Variants in CDH10 observed in about 807,000 individuals in gnomAD.
CDH10 encodes the protein cadherin 10.
A neutral mutation model predicts 73.1 loss-of-function variants in CDH10; 30 were observed. The observed-to-expected ratio is 0.41, with a 90% CI of 0.31 to 0.56. The LOEUF (loss-of-function observed/expected upper bound fraction) is 0.56. Among genes scored for constraint, CDH10 ranks in the 20% least tolerant of loss-of-function variants. The probability of loss-of-function intolerance (pLI) is 0.27; values close to 1 mark genes in which losing one functional copy is unlikely to be tolerated. For missense variants in CDH10, 815 were observed against 973.7 expected, an observed-to-expected ratio of 0.84 and a Z score of 2.17; for synonymous variants, 345 against 348.2, an observed-to-expected ratio of 0.99 and a Z score of 0.10.
intron 1 of CDH10, among the ~76,000 whole-genome samples, chr5:24,622,063 C>T (rs1299342648): frequency 6.6e-6 from 1 of 152,154 alleles, no homozygotes; most frequent in Non-Finnish European, 1.5e-5. Context: ...CCAAGAGAGA[C>T]ATTTGCACAG....
At chr5:24,538,146 G>A (rs1289307166) in intron 2 of CDH10, among the ~76,000 whole-genome samples, 2 of 152,118 alleles carry the variant, frequency 1.3e-5, no homozygotes, top group East Asian at 3.9e-4. Context: ...TGTAAGACAA[G>A]CAAAGCTGTA....
At chr5:24,516,484 T>G (rs2111792164) in intron 5 of CDH10, among the ~76,000 whole-genome samples, 1 of 150,446 alleles carries the variant, frequency 6.6e-6, no homozygotes, top group East Asian at 2.0e-4. Flanking sequence ...CAATTTTTTT[T>G]CATTCAGTTC....
chr5:24,595,568 T>G (rs112478353), intron 1 of CDH10, among the ~76,000 whole-genome samples: 12 of 152,074 alleles, frequency 7.9e-5, no homozygotes, highest in Admixed American at 2.0e-4. Flanking sequence ...GATTGGATTC[T>G]AAGTAATAGG....
At chr5:24,621,742 G>A (rs1219082271) in intron 1 of CDH10, among the ~76,000 whole-genome samples, 1 of 152,172 alleles carries the variant, frequency 6.6e-6, no homozygotes, top group Non-Finnish European at 1.5e-5. Context: ...ATATTTATGT[G>A]TGTGTGCATG....
At chr5:24,593,655 T>C in intron 1 of CDH10, 42 bp from the exon 2 acceptor site, 1 of 563,594 alleles carries the variant, frequency 1.8e-6, no homozygotes, top group Non-Finnish European at 3.1e-6. Flanking sequence ...GTTGACAACA[T>C]TATCATTATT....
chr5:24,619,428 C>G (rs1266423631), intron 1 of CDH10, among the ~76,000 whole-genome samples: 1 of 152,022 alleles, frequency 6.6e-6, no homozygotes, highest in Admixed American at 6.6e-5. Context: ...CTCCTGACCT[C>G]GTGATCTGCC....
intron 1 of CDH10, among the ~76,000 whole-genome samples, chr5:24,641,004 T>G (rs1412721017): frequency 6.6e-6 from 1 of 152,048 alleles, no homozygotes; most frequent in Non-Finnish European, 1.5e-5. Flanking sequence ...TCATTGTTAA[T>G]ATTTCATTAA....
intron 5 of CDH10, among the ~76,000 whole-genome samples, chr5:24,513,226 T>C (rs1220761837): frequency 6.6e-6 from 1 of 151,780 alleles, no homozygotes; most frequent in African/African-American, 2.4e-5. Context: ...ACCATATTGG[T>C]CAGGCTGGTC....
At chr5:24,626,173 T>C (rs1197278048) in intron 1 of CDH10, among the ~76,000 whole-genome samples, 1 of 152,170 alleles carries the variant, frequency 6.6e-6, no homozygotes, top group East Asian at 1.9e-4. Context: ...ATTCTTTTGG[T>C]TCCCAAAACA....
At chr5:24,625,011 G>A (rs73743678) in intron 1 of CDH10, among the ~76,000 whole-genome samples, 5,101 of 152,092 alleles carry the variant, frequency 0.034, 296 homozygotes, top group African/African-American at 0.12. Flanking sequence ...TAGAAGCCAA[G>A]CTATCCACAA....
chr5:24,639,105 T>C (rs1332010162), intron 1 of CDH10, among the ~76,000 whole-genome samples: 1 of 151,694 alleles, frequency 6.6e-6, no homozygotes, highest in Non-Finnish European at 1.5e-5. Flanking sequence ...TAGCTAAATA[T>C]TTTCAAATCT....
intron 9 of CDH10, among the ~76,000 whole-genome samples, chr5:24,493,162 T>C (rs1444577546): frequency 2.0e-5 from 3 of 151,984 alleles, no homozygotes; most frequent in Non-Finnish European, 4.4e-5. Context: ...ATAAAAAATA[T>C]ATTATTTAGG....
At chr5:24,502,074 T>C (rs1019476489) in intron 8 of CDH10, among the ~76,000 whole-genome samples, 27 of 142,978 alleles carry the variant, frequency 1.9e-4, no homozygotes, top group Non-Finnish European at 3.2e-4. Flanking sequence ...TGCCCGCCAC[T>C]ACGTCCGGCT....
chr5:24,535,681 A>G (rs755954974), intron 4 of CDH10, 22 bp downstream of exon 4: 2 of 1,595,918 alleles, frequency 1.3e-6, no homozygotes, highest in East Asian at 2.2e-5. Context: ...AAATGAACAA[A>G]CAGCAATTCA....
intron 2 of CDH10, among the ~76,000 whole-genome samples, chr5:24,592,776 T>C (rs560160561): frequency 6.6e-6 from 1 of 151,962 alleles, no homozygotes; most frequent in African/African-American, 2.4e-5. Flanking sequence ...CTAGAATAAA[T>C]TTTCTTATAA....
At chr5:24,605,829 A>C (rs1746742593) in intron 1 of CDH10, among the ~76,000 whole-genome samples, 1 of 152,214 alleles carries the variant, frequency 6.6e-6, no homozygotes, top group Non-Finnish European at 1.5e-5. Flanking sequence ...AAATGGGTGA[A>C]TGGGTAAACA....
chr5:24,574,045 C>G (rs1047563221), intron 2 of CDH10, among the ~76,000 whole-genome samples: 1 of 151,512 alleles, frequency 6.6e-6, no homozygotes, highest in Non-Finnish European at 1.5e-5. Context: ...CCACCACACC[C>G]GGCTAATTTT....
At chr5:24,578,312 A>G (rs905925826) in intron 2 of CDH10, 2 of 218,950 alleles carry the variant, frequency 9.1e-6, no homozygotes, top group South Asian at 8.1e-5. Context: ...AAGTAATTAC[A>G]TGTTTTTAGC....
intron 1 of CDH10, among the ~76,000 whole-genome samples, chr5:24,639,653 T>C (rs949054948): frequency 1.3e-5 from 2 of 151,822 alleles, no homozygotes; most frequent in African/African-American, 4.8e-5. Flanking sequence ...TTGCTCATTA[T>C]ATACCAGATT....
Sources: allele counts gnomAD v4.1 joint callset (sites outside exome capture counted in the v4.1 genomes callset), GRCh38; gene constraint gnomAD v4.1.1; transcripts MANE v1.5; gene names NCBI Gene and HGNC (gene_info 2026-07-23, HGNC 2026-07-21).